The following SLAIN1 variants were observed in gnomAD, a reference collection of about 807,000 sequenced individuals.
The protein encoded by SLAIN1 is SLAIN family member 1, also known as SLAIN motif-containing protein 1.
Under a neutral mutation model 55.4 loss-of-function variants are expected in SLAIN1, and 17 were observed. That is an observed-to-expected ratio of 0.31 (90% CI 0.21 to 0.46). The LOEUF (loss-of-function observed/expected upper bound fraction) is 0.46, where lower values mean the gene tolerates loss of function less well. Among genes scored for constraint, SLAIN1 ranks in the 20% least tolerant of loss-of-function variants. The pLI is 1.00. For missense variants in SLAIN1, 682 were observed against 785.1 expected, an observed-to-expected ratio of 0.87 and a Z score of 1.57; for synonymous variants, 348 against 337.4, an observed-to-expected ratio of 1.03 and a Z score of -0.35.
Position 77,707,078 on chromosome 13 carries a change from CT to C in SLAIN1, c.626+8549del, listed in dbSNP as rs1021518978. 4.7e-3 allele frequency among the ~76,000 whole-genome samples: 694 copies of C among 148,768 alleles called. 19 individuals carry two copies. Among genetic ancestry groups the C allele is most frequent in the Admixed American group, 0.04 (590 of 14,930 alleles). ...CTTCCACTCTGGAAATTTTCTTGCT[CT>C]TTTTTTTTTCTTCAAAATAACTTTC... On this transcript the variant is annotated intron_variant, in intron 1 of 6. Transcript: ENST00000418532.
At chr13:77,718,780 C>G (rs1055723941) in intron 1 of SLAIN1, among the ~76,000 whole-genome samples, 6 of 152,068 alleles carry the variant, frequency 3.9e-5, no homozygotes, top group African/African-American at 7.2e-5. Context: ...TCAAGATAAA[C>G]CTTTCTGTAT....
chr13:77,710,503 A>G (rs1408556837), intron 1 of SLAIN1, among the ~76,000 whole-genome samples: 3 of 152,236 alleles, frequency 2.0e-5, no homozygotes, highest in Admixed American at 6.5e-5. Context: ...GAAGGGCATC[A>G]CATAATGGTA....
At chr13:77,741,294 A>G in intron 2 of SLAIN1, 2 of 987,474 alleles carry the variant, frequency 2.0e-6, no homozygotes, top group Non-Finnish European at 2.4e-6. Context: ...GAGATTGAAC[A>G]TGTGAGAACA....
intron 3 of SLAIN1, 90 bp from the exon 4 acceptor site, chr13:77,746,424 T>G: frequency 8.9e-7 from 1 of 1,124,322 alleles, no homozygotes; most frequent in South Asian, 1.8e-5. Context: ...AGTAATTTAT[T>G]TGGCACAATT....
chr13:77,759,772 A>G (rs1282735889), intron 5 of SLAIN1, among the ~76,000 whole-genome samples: 1 of 152,128 alleles, frequency 6.6e-6, no homozygotes, highest in African/African-American at 2.4e-5. Flanking sequence ...AACCATTTCT[A>G]TATCCCTGGG....
intron 2 of SLAIN1, among the ~76,000 whole-genome samples, chr13:77,733,220 C>T (rs1872959027): frequency 6.6e-6 from 1 of 152,086 alleles, no homozygotes; most frequent in Admixed American, 6.6e-5. Context: ...TGCCAATTGT[C>T]AGGAGTATAC....
chr13:77,730,836 GA>G lies in SLAIN1; in HGVS notation c.766+11167del, dbSNP rs547159906. Among the ~76,000 whole-genome samples the G allele has an allele frequency of 8.9e-4, 136 of 152,246 alleles. 1 individual carries two copies. The highest frequency in any genetic ancestry group is 3.2e-3 in the African/African-American group (133 of 41,552). On this transcript the variant is annotated intron_variant, in intron 2 of 6. Transcript: ENST00000418532. ...ATTTTTATAGCATTTTCAGATAAATGAAGTTGGATCAGTAAAAGGATACCTG... is the reference window on the plus strand; with the variant it reads ...ATTTTTATAGCATTTTCAGATAAATGAGTTGGATCAGTAAAAGGATACCTG...
At chr13:77,712,255 A>G (rs1345011829) in intron 1 of SLAIN1, among the ~76,000 whole-genome samples, 2 of 152,186 alleles carry the variant, frequency 1.3e-5, no homozygotes, top group East Asian at 3.9e-4. Flanking sequence ...ATGGTATTCA[A>G]ATAGGAAGAG....
chr13:77,738,319 A>C (rs996631385), intron 2 of SLAIN1, among the ~76,000 whole-genome samples: 1 of 151,972 alleles, frequency 6.6e-6, no homozygotes, highest in Non-Finnish European at 1.5e-5. Flanking sequence ...ATTTAAATAA[A>C]AAGTTGGCCA....
At chr13:77,718,822 C>T (rs1315907556) in intron 1 of SLAIN1, among the ~76,000 whole-genome samples, 1 of 152,114 alleles carries the variant, frequency 6.6e-6, no homozygotes, top group African/African-American at 2.4e-5. Flanking sequence ...CTAAAATCTA[C>T]CTTAACATGG....
At chr13:77,741,367 C>T in intron 2 of SLAIN1, 1 of 987,336 alleles carries the variant, frequency 1.0e-6, no homozygotes, top group Non-Finnish European at 1.2e-6. Context: ...GTCAAGTTGA[C>T]CTACATAGAA....
chr13:77,726,027 A>T (rs1034047222), intron 2 of SLAIN1, among the ~76,000 whole-genome samples: 2 of 152,212 alleles, frequency 1.3e-5, no homozygotes, highest in Non-Finnish European at 2.9e-5. Flanking sequence ...AAAAGCTTTC[A>T]TGATGTATCT....
At chr13:77,717,820 T>A (rs868711280) in intron 1 of SLAIN1, among the ~76,000 whole-genome samples, 3 of 152,156 alleles carry the variant, frequency 2.0e-5, no homozygotes, top group Non-Finnish European at 2.9e-5. Context: ...ATCAAACTTT[T>A]AAGGGGTGTG....
intron 2 of SLAIN1, among the ~76,000 whole-genome samples, chr13:77,723,567 A>C (rs965941783): frequency 6.6e-6 from 1 of 152,166 alleles, no homozygotes; most frequent in East Asian, 1.9e-4. Context: ...ACCATTTCCC[A>C]CAGAGTTTAG....
intron 1 of SLAIN1, among the ~76,000 whole-genome samples, chr13:77,709,852 C>G (rs915583254): frequency 6.6e-5 from 10 of 152,066 alleles, no homozygotes; most frequent in African/African-American, 2.4e-4. Flanking sequence ...CTCACTGCAA[C>G]CCCCGCCTCC....
chr13:77,719,050 G>A (rs917232425), intron 1 of SLAIN1, among the ~76,000 whole-genome samples: 6 of 152,130 alleles, frequency 3.9e-5, no homozygotes, highest in African/African-American at 1.4e-4. Context: ...AGGGTTCAAA[G>A]AATCAAGTGA....
intron 1 of SLAIN1, among the ~76,000 whole-genome samples, chr13:77,716,453 G>A (rs1176369216): frequency 1.3e-5 from 2 of 151,666 alleles, no homozygotes; most frequent in Non-Finnish European, 2.9e-5. Context: ...TGCAAATTAT[G>A]TGGACCAATT....
intron 1 of SLAIN1, among the ~76,000 whole-genome samples, chr13:77,709,765 ATTGTTG>A (rs61324361): frequency 1.3e-5 from 2 of 151,636 alleles, no homozygotes. Context: ...CACTAAATAT[ATTGTTG>A]TTGTTGTTGT....
intron 1 of SLAIN1, among the ~76,000 whole-genome samples, chr13:77,705,467 A>G (rs2091080041): frequency 6.6e-6 from 1 of 151,974 alleles, no homozygotes; most frequent in African/African-American, 2.4e-5. Flanking sequence ...AGAATCCAAT[A>G]TACCATTAAT....
Sources: allele counts gnomAD v4.1 joint callset (sites outside exome capture counted in the v4.1 genomes callset), GRCh38; gene constraint gnomAD v4.1.1; transcripts MANE v1.5; gene names NCBI Gene and HGNC (gene_info 2026-07-23, HGNC 2026-07-21).